LRRTM4: variants seen among roughly 807,000 people sequenced by gnomAD.
LRRTM4 encodes the protein leucine-rich repeat transmembrane neuronal protein 4.
LRRTM4 carries 25 observed loss-of-function variants against 47.6 expected under a neutral mutation model. The observed-to-expected ratio is 0.53, with a 90% CI of 0.38 to 0.73. The LOEUF is 0.73. Among genes scored for constraint, LRRTM4 ranks in the 30% least tolerant of loss-of-function variants. The probability of loss-of-function intolerance (pLI) is 0.00; values close to 1 mark genes in which losing one functional copy is unlikely to be tolerated. For synonymous variants in LRRTM4, 311 were observed against 269.5 expected (o/e 1.15, Z -1.51); for missense variants, 638 against 713.4 (o/e 0.89, Z 1.20).
intron 3 of LRRTM4, among the ~76,000 whole-genome samples, chr2:76,799,472 A>G (rs1424937780): frequency 2.1e-5 from 3 of 141,486 alleles, no homozygotes; most frequent in Admixed American, 7.1e-5. Context: ...AGAGCTATCT[A>G]TGACAAACCC....
chr2:76,898,821 A>G (rs1268106408), intron 3 of LRRTM4, among the ~76,000 whole-genome samples: 9 of 151,186 alleles, frequency 6.0e-5, no homozygotes, highest in Non-Finnish European at 1.0e-4. Context: ...TATTTTATAT[A>G]TACTGACTGT....
chr2:77,447,369 A>G (rs748662250), intron 3 of LRRTM4, among the ~76,000 whole-genome samples: 25 of 152,050 alleles, frequency 1.6e-4, no homozygotes, highest in Non-Finnish European at 3.1e-4. Flanking sequence ...CTCATGTGCA[A>G]TTCTGCCCAC....
At chr2:77,291,634 A>T (rs529662729) in intron 3 of LRRTM4, among the ~76,000 whole-genome samples, 6 of 152,250 alleles carry the variant, frequency 3.9e-5, no homozygotes, top group African/African-American at 1.4e-4. Context: ...ATTGCTTGAG[A>T]AAAGAAAAAT....
chr2:76,958,165 T>C (rs1386754350), intron 3 of LRRTM4, among the ~76,000 whole-genome samples: 2 of 151,788 alleles, frequency 1.3e-5, no homozygotes, highest in East Asian at 1.9e-4. Flanking sequence ...CAAATATTTA[T>C]AGAATAGCTA....
At chr2:76,897,333 T>C (rs1423290981) in intron 3 of LRRTM4, among the ~76,000 whole-genome samples, 1 of 152,150 alleles carries the variant, frequency 6.6e-6, no homozygotes, top group Non-Finnish European at 1.5e-5. Flanking sequence ...AAATTCTGTC[T>C]TTGTATCTAA....
At chr2:77,155,475 T>A (rs1158998353) in intron 3 of LRRTM4, among the ~76,000 whole-genome samples, 2 of 151,890 alleles carry the variant, frequency 1.3e-5, no homozygotes, top group African/African-American at 4.8e-5. Flanking sequence ...GATAAAATAC[T>A]TTAAACATTT....
chr2:76,858,878 T>G (rs1220750287), intron 3 of LRRTM4, among the ~76,000 whole-genome samples: 1 of 152,172 alleles, frequency 6.6e-6, no homozygotes, highest in Non-Finnish European at 1.5e-5. Flanking sequence ...CTACACTGAA[T>G]AGTTCAGAAC....
intron 3 of LRRTM4, among the ~76,000 whole-genome samples, chr2:77,072,798 T>C (rs56794933): frequency 0.081 from 2,478 of 30,472 alleles, 97 homozygotes; most frequent in African/African-American, 0.31. Flanking sequence ...GACTCCGTCT[T>C]CCAAAAAAAA....
intron 3 of LRRTM4, among the ~76,000 whole-genome samples, chr2:76,804,737 T>TTA (rs368080398): frequency 1.4e-5 from 2 of 144,046 alleles, no homozygotes; most frequent in East Asian, 2.0e-4. Flanking sequence ...ATATCATGTT[T>TTA]TATATATATA....
chr2:77,457,130 AC>A (rs1676595067), intron 3 of LRRTM4, among the ~76,000 whole-genome samples: 1 of 147,194 alleles, frequency 6.8e-6, no homozygotes, highest in South Asian at 2.1e-4. Flanking sequence ...TTTTAAAAAT[AC>A]TAGTTATAGG....
chr2:76,893,812 T>C (rs1408646311), intron 3 of LRRTM4, among the ~76,000 whole-genome samples: 1 of 151,768 alleles, frequency 6.6e-6, no homozygotes, highest in Non-Finnish European at 1.5e-5. Flanking sequence ...GTCCCAAGGA[T>C]AAAAAAAGCT....
rs1253872039 is a variant in LRRTM4 at position 77,342,410 on chromosome 2, A to G, written c.1551+175908T>C. Among the ~76,000 whole-genome samples the G allele has an allele frequency of 2.6e-5, 4 of 151,908 alleles. No individual in the cohort carries two copies. In the East Asian group the frequency reaches 5.8e-4, roughly 22 times the overall value. On this transcript the variant is annotated intron_variant, in intron 3 of 3. Transcript: ENST00000409884. ...ATACATAAGAGACAGCTTCTACAAC[A>G]AATAATTATCTGCCCCAAACTATCA...
At chr2:77,441,102 C>G (rs1675820784) in intron 3 of LRRTM4, among the ~76,000 whole-genome samples, 1 of 152,170 alleles carries the variant, frequency 6.6e-6, no homozygotes, top group East Asian at 1.9e-4. Context: ...GGTACAAAGT[C>G]TGTTTAGTGC....
At chr2:77,265,460 G>A (rs188309978) in intron 3 of LRRTM4, among the ~76,000 whole-genome samples, 8 of 152,132 alleles carry the variant, frequency 5.3e-5, no homozygotes, top group Admixed American at 2.6e-4. Flanking sequence ...CCTTCCCGCT[G>A]CCCCTGTGCT....
intron 3 of LRRTM4, among the ~76,000 whole-genome samples, chr2:77,179,077 C>T (rs770521385): frequency 1.3e-5 from 2 of 152,114 alleles, no homozygotes; most frequent in South Asian, 2.1e-4. Flanking sequence ...AGCATTTTTG[C>T]GTAATACAAA....
chr2:77,093,589 C>G (rs1670718595), intron 3 of LRRTM4, among the ~76,000 whole-genome samples: 2 of 149,440 alleles, frequency 1.3e-5, no homozygotes, highest in African/African-American at 2.6e-5. Context: ...TCCATACCAT[C>G]CCCCCAAAAA....
chr2:76,787,312 C>T (rs1674727576), intron 3 of LRRTM4, among the ~76,000 whole-genome samples: 1 of 152,024 alleles, frequency 6.6e-6, no homozygotes, highest in South Asian at 2.1e-4. Flanking sequence ...AATATATAGC[C>T]TGCTATTACT....
intron 3 of LRRTM4, among the ~76,000 whole-genome samples, chr2:77,355,624 G>C (rs953830021): frequency 5.3e-5 from 8 of 152,106 alleles, no homozygotes; most frequent in Admixed American, 4.6e-4. Flanking sequence ...GGAGAATAAA[G>C]CTAAAAAGAG....
intron 3 of LRRTM4, among the ~76,000 whole-genome samples, chr2:77,472,397 G>C (rs1295307308): frequency 6.6e-6 from 1 of 152,146 alleles, no homozygotes; most frequent in East Asian, 1.9e-4. Context: ...GTTGTTACCA[G>C]AGGCTCACAG....
Sources: gnomAD v4.1 joint callset for allele counts (sites outside exome capture counted in the v4.1 genomes callset) on GRCh38, gnomAD v4.1.1 for gene constraint, MANE v1.5 for transcripts, NCBI Gene and HGNC (gene_info 2026-07-23, HGNC 2026-07-21) for gene names.